The following NADSYN1 variants were observed in gnomAD, a reference collection of about 807,000 sequenced individuals.
The protein encoded by NADSYN1 is glutamine-dependent NAD(+) synthetase.
A neutral mutation model predicts 99.3 loss-of-function variants in NADSYN1; 80 were observed. The observed-to-expected ratio is 0.81, with a 90% CI of 0.67 to 0.97. NADSYN1 has a LOEUF of 0.97. Among genes scored for constraint, NADSYN1 ranks in the 50% least tolerant of loss-of-function variants. NADSYN1 has a pLI of 0.00. For synonymous variants in NADSYN1, 385 were observed against 372.1 expected, an observed-to-expected ratio of 1.03 and a Z score of -0.40; for missense variants, 859 against 948.5, an observed-to-expected ratio of 0.91 and a Z score of 1.24.
chr11:71,478,288 A>C, intron 9 of NADSYN1, 107 bp from the exon 10 acceptor site: 1 of 915,028 alleles, frequency 1.1e-6, no homozygotes, highest in Non-Finnish European at 1.7e-6. Flanking sequence ...CCAGGGTCTC[A>C]GCCCCTGCTT....
chr11:71,458,418 GTC>G lies in NADSYN1; in HGVS notation c.147-6_147-5del, dbSNP rs1485957281. The stretch of plus-strand genomic sequence containing the variant: ...TGTTTCTGGAGCTCACCTTCTCACT[GTC>G]TCTGCAGCGGCTACGGATGTTGGGA... On this transcript the variant is annotated splice_polypyrimidine_tract_variant and splice_region_variant and intron_variant, in intron 2 of 20. Transcript: ENST00000319023. The G allele has an allele frequency of 6.2e-7, 1 of 1,608,174 alleles. No individual in the cohort carries two copies. The highest frequency in any genetic ancestry group is 1.7e-5 in the Admixed American group (1 of 59,984).
At chr11:71,458,343 G>C in intron 2 of NADSYN1, 85 bp from the exon 3 acceptor site, 1 of 1,015,120 alleles carries the variant, frequency 9.9e-7, no homozygotes, top group Non-Finnish European at 1.6e-6. Flanking sequence ...CCCCAGACAC[G>C]TTCAGACTGG....
chr11:71,455,825 G>A (rs762117685), intron 2 of NADSYN1, among the ~76,000 whole-genome samples: 37 of 152,360 alleles, frequency 2.4e-4, no homozygotes, highest in Middle Eastern at 3.4e-3. Flanking sequence ...TTTTCATTCC[G>A]TGATCTCAGA....
intron 16 of NADSYN1, among the ~76,000 whole-genome samples, chr11:71,487,007 C>T (rs1456899471): frequency 2.0e-5 from 3 of 151,980 alleles, no homozygotes; most frequent in East Asian, 1.9e-4. Flanking sequence ...GGTGTTTCAC[C>T]GTGTTAGCCA....
At chr11:71,498,830 G>A in intron 20 of NADSYN1, 1 of 231,218 alleles carries the variant, frequency 4.3e-6, no homozygotes, top group Non-Finnish European at 8.6e-6. Flanking sequence ...TATTATTTGT[G>A]TGTGGTAAGA....
chr11:71,458,729 C>T, intron 3 of NADSYN1, 185 bp downstream of exon 3: 1 of 561,374 alleles, frequency 1.8e-6, no homozygotes, highest in Non-Finnish European at 3.2e-6. Context: ...ATTTCCCCTG[C>T]AAGGAGGGAG....
intron 5 of NADSYN1, 35 bp from the exon 6 acceptor site, chr11:71,472,414 G>A: frequency 1.3e-6 from 2 of 1,540,242 alleles, no homozygotes; most frequent in South Asian, 1.1e-5. Context: ...GTCCTGAGAT[G>A]CTCATCCTCA....
intron 20 of NADSYN1, chr11:71,499,939 G>C (rs1225339727): frequency 6.6e-6 from 1 of 152,284 alleles, no homozygotes; most frequent in Non-Finnish European, 1.5e-5. Flanking sequence ...GGGAGGCTGA[G>C]GAGGGAGAAT....
intron 16 of NADSYN1, among the ~76,000 whole-genome samples, chr11:71,488,368 G>C (rs889539674): frequency 6.6e-6 from 1 of 152,080 alleles, no homozygotes; most frequent in African/African-American, 2.4e-5. Flanking sequence ...CTACTGAGAA[G>C]TGGGTTTCAT....
intron 5 of NADSYN1, among the ~76,000 whole-genome samples, chr11:71,468,059 C>A (rs940599604): frequency 1.6e-4 from 24 of 152,194 alleles, no homozygotes; most frequent in African/African-American, 5.8e-4. Context: ...GAGACGGTGG[C>A]TGGAAAAAAT....
At chr11:71,497,287 G>A (rs1191151056) in intron 18 of NADSYN1, 196 bp from the exon 19 acceptor site, 3 of 619,438 alleles carry the variant, frequency 4.8e-6, no homozygotes, top group Non-Finnish European at 5.5e-6. Flanking sequence ...CCAAATGCCT[G>A]GTTCTTCGTT....
intron 5 of NADSYN1, among the ~76,000 whole-genome samples, chr11:71,469,736 C>A (rs1306637380): frequency 6.6e-6 from 1 of 152,054 alleles, no homozygotes. Flanking sequence ...TCAGCATGGG[C>A]GTCATAGCCA....
At chr11:71,495,441 G>A (rs985305798) in intron 18 of NADSYN1, among the ~76,000 whole-genome samples, 2 of 152,182 alleles carry the variant, frequency 1.3e-5, no homozygotes, top group Admixed American at 1.3e-4. Context: ...CTCAGCAGAT[G>A]GTCTGACCTG....
intron 5 of NADSYN1, among the ~76,000 whole-genome samples, chr11:71,471,622 G>A (rs942711867): frequency 6.6e-6 from 1 of 152,186 alleles, no homozygotes; most frequent in South Asian, 2.1e-4. Flanking sequence ...ATGCATTTCG[G>A]TGCAGCAGCA....
chr11:71,457,969 A>G (rs995687879), intron 2 of NADSYN1, among the ~76,000 whole-genome samples: 7 of 152,150 alleles, frequency 4.6e-5, no homozygotes, highest in African/African-American at 1.7e-4. Context: ...GGGGTTCATC[A>G]TTCAGCCGAC....
intron 13 of NADSYN1, 124 bp downstream of exon 13, chr11:71,482,149 G>A: frequency 1.3e-6 from 1 of 797,348 alleles, no homozygotes; most frequent in Non-Finnish European, 2.0e-6. Context: ...AGGGGGCTTT[G>A]TGGCCACGCA....
intron 11 of NADSYN1, 161 bp from the exon 12 acceptor site, chr11:71,481,195 C>A: frequency 1.3e-6 from 1 of 747,392 alleles, no homozygotes; most frequent in Admixed American, 2.3e-5. Context: ...TTCAGAATCA[C>A]ATGTGTCCCT....
In NADSYN1 at chr11:71,453,223, C is replaced by T. The variant is rs1337105220; in HGVS notation, c.-74C>T. The T allele has an allele frequency of 3.6e-6, 5 of 1,388,282 alleles. No homozygotes were observed. The highest frequency in any genetic ancestry group is 2.9e-5 in the African/African-American group (2 of 69,678). 86.0% of individuals were successfully genotyped at this position (1,388,282 alleles called of 1,614,324 possible). A position where few individuals can be genotyped will look rare whatever the true frequency, so the allele number is the denominator to read the frequency against. ...CGGGCAACCCGGAAGGTCCGGCGTCCCAGCCGCCTACCTCGCTGGGACCCT... is the reference window on the plus strand; with the variant it reads ...CGGGCAACCCGGAAGGTCCGGCGTCTCAGCCGCCTACCTCGCTGGGACCCT... On this transcript the variant is annotated 5_prime_UTR_variant, in exon 1 of 21. Transcript: ENST00000319023.
At chr11:71,499,352 G>T (rs562066768) in intron 20 of NADSYN1, 1 of 152,302 alleles carries the variant, frequency 6.6e-6, no homozygotes, top group African/African-American at 2.4e-5. Context: ...AATCTTTGGA[G>T]GAATCTCTGC....
Sources: gnomAD v4.1 joint callset for allele counts (sites outside exome capture counted in the v4.1 genomes callset) on GRCh38, gnomAD v4.1.1 for gene constraint, MANE v1.5 for transcripts, NCBI Gene and HGNC (gene_info 2026-07-23, HGNC 2026-07-21) for gene names.